RASGRP4: variants seen among roughly 807,000 people sequenced by gnomAD.
RASGRP4 encodes the protein RAS guanyl-releasing protein 4.
A neutral mutation model predicts 84.4 loss-of-function variants in RASGRP4; 52 were observed. The ratio of observed to expected loss-of-function variants is 0.62; its 90% confidence interval spans 0.49 to 0.78. The LOEUF (loss-of-function observed/expected upper bound fraction) is 0.78, where lower values mean the gene tolerates loss of function less well. Among genes scored for constraint, RASGRP4 ranks in the 30% least tolerant of loss-of-function variants. The pLI, the probability that RASGRP4 is intolerant of heterozygous loss-of-function variation, is 0.00. For missense variants in RASGRP4, 760 were observed against 886.9 expected (o/e 0.86, Z 1.82); for synonymous variants, 356 against 359.1 (o/e 0.99, Z 0.10).
intron 9 of RASGRP4, among the ~76,000 whole-genome samples, chr19:38,414,420 G>A (rs952534262): frequency 6.0e-5 from 9 of 150,768 alleles, no homozygotes; most frequent in East Asian, 4.0e-4. Context: ...TCCACCTCCC[G>A]GGTTCAAGCA....
chr19:38,420,927 G>A lies in RASGRP4; in HGVS notation c.358C>T (p.Gln120Ter), dbSNP rs1568414401. Reference sequence around the variant, plus strand: ...CCCTACCTGACCAGGTGACAGATCTGCAGCCGTCTCAGCTCCTGGGTGTCC... The same window carrying A: ...CCCTACCTGACCAGGTGACAGATCTACAGCCGTCTCAGCTCCTGGGTGTCC... ...TGDTQELRRLQICHLVRYWLM... is the reference protein window; with the variant it reads ...TGDTQELRRL Residue 120 changes from glutamine to a stop codon, truncating the protein, a stop_gained, in exon 4 of 17, where the codon CAG (glutamine) becomes TAG (stop). Coordinates refer to ENST00000615439, the MANE Select transcript of RASGRP4 (RefSeq NM_170604.3). LOFTEE classifies it high-confidence loss of function. The A allele has an allele frequency of 6.2e-7, 1 of 1,613,712 alleles. No homozygotes were observed. The highest frequency in any genetic ancestry group is 1.3e-5 in the African/African-American group (1 of 74,876).
chr19:38,420,110 G>A, intron 5 of RASGRP4, 21 bp downstream of exon 5: 1 of 1,610,798 alleles, frequency 6.2e-7, no homozygotes, highest in South Asian at 1.1e-5. Flanking sequence ...CAGGGAAGAG[G>A]GGAGCACAGG....
At chr19:38,415,653 G>T (rs960843527) in intron 8 of RASGRP4, among the ~76,000 whole-genome samples, 10 of 151,910 alleles carry the variant, frequency 6.6e-5, no homozygotes, top group African/African-American at 2.4e-4. Flanking sequence ...GATTACAGGC[G>T]TTAGCCATCA....
In RASGRP4 at chr19:38,417,404, G is replaced by A. The variant is rs898807714; in HGVS notation, c.838-236C>T. 6.6e-6 allele frequency among the ~76,000 whole-genome samples: 1 copy of A among 152,168 alleles called. No individual in the cohort carries two copies. The highest frequency in any genetic ancestry group is 1.5e-5 in the Non-Finnish European group (1 of 68,028). On this transcript the variant is annotated intron_variant, in intron 7 of 16. Transcript: ENST00000615439. This position sits in a 1 kb window ranked among gnomAD's most constrained non-coding sequence, Gnocchi z 5.1. ...GGTCAAGCAAGTGATTGACTGATAC[G>A]AGGTTAGAAAATCTGGGGAGACAGG...
intron 6 of RASGRP4, 50 bp downstream of exon 6, chr19:38,419,810 C>G: frequency 6.6e-7 from 1 of 1,525,366 alleles, no homozygotes; most frequent in Admixed American, 2.0e-5. Context: ...AATCCCTCCC[C>G]TACCCCAGTG....
At chr19:38,426,032 AG>A in intron 1 of RASGRP4, 36 bp downstream of exon 1, 1 of 1,358,958 alleles carries the variant, frequency 7.4e-7, no homozygotes, top group South Asian at 2.0e-5. Flanking sequence ...GGGAGGCCTC[AG>A]GGTGCTGCCG....
intron 16 of RASGRP4, 57 bp from the exon 17 acceptor site, chr19:38,410,153 C>T (rs1246010222): frequency 1.4e-5 from 20 of 1,393,604 alleles, no homozygotes; most frequent in Admixed American, 1.2e-4. Flanking sequence ...CATATGATGT[C>T]TAGGAGACGC....
rs1971586131 is a variant in RASGRP4, at chr19:38,418,256, C to T, written c.837+135G>A. 2.2e-6 allele frequency: 2 copies of T among 892,582 alleles called. No individual in the cohort carries two copies. Among genetic ancestry groups the T allele is most frequent in the Admixed American group, 4.8e-5 (2 of 41,928 alleles). The allele number at this position is 892,582 out of a possible 1,614,324, so 55.3% of individuals were successfully genotyped here. A position where few individuals can be genotyped will look rare whatever the true frequency, so the allele number is the denominator to read the frequency against. On this transcript the variant is annotated intron_variant, in intron 7 of 16. Transcript: ENST00000615439. This position sits in a 1 kb window ranked among gnomAD's most constrained non-coding sequence, Gnocchi z 4.6. ...ACGGTCCTTGGTTGGAATGCCCAGG[C>T]TGTGGCCTCGGGGGCGGGGCCGGGA...
chr19:38,422,931 G>T (rs1971823509), intron 1 of RASGRP4, among the ~76,000 whole-genome samples: 1 of 151,990 alleles, frequency 6.6e-6, no homozygotes, highest in East Asian at 1.9e-4. Context: ...ATCTCCCAGG[G>T]AATCACAGTA....
chr19:38,414,744 AC>A, intron 9 of RASGRP4, 103 bp downstream of exon 9: 1 of 1,220,234 alleles, frequency 8.2e-7, no homozygotes, highest in Non-Finnish European at 1.1e-6. Flanking sequence ...AAACCCATGC[AC>A]TCCAGCACTT....
chr19:38,422,431 C>T (rs1971798677), intron 1 of RASGRP4, among the ~76,000 whole-genome samples: 1 of 152,146 alleles, frequency 6.6e-6, no homozygotes, highest in Admixed American at 6.5e-5. Context: ...CCAGGGGTCC[C>T]CAGCCCCTGG....
At chr19:38,422,300 T>G in intron 1 of RASGRP4, 147 bp from the exon 2 acceptor site, 1 of 669,346 alleles carries the variant, frequency 1.5e-6, no homozygotes, top group South Asian at 2.0e-5. Context: ...CCAGGGACTC[T>G]AGAGAGAATC....
chr19:38,422,404 G>A (rs1339107099), intron 1 of RASGRP4, among the ~76,000 whole-genome samples: 3 of 152,196 alleles, frequency 2.0e-5, no homozygotes, highest in South Asian at 2.1e-4. Flanking sequence ...GGGAATCAGA[G>A]AGGAAGATCC....
chr19:38,412,162 A>T lies in RASGRP4; in HGVS notation c.1680+510T>A, dbSNP rs539655411. On this transcript the variant is annotated intron_variant, in intron 13 of 16. Transcript: ENST00000615439. This position sits in a 1 kb window ranked among gnomAD's most constrained non-coding sequence, Gnocchi z 4.6. Reference sequence around the variant, plus strand: ...GAGACAGAATCTCGCTCTGTCACCCAAGCTGGAGTGCAGTGCTGCGATCTT... The same window carrying T: ...GAGACAGAATCTCGCTCTGTCACCCTAGCTGGAGTGCAGTGCTGCGATCTT... Among the ~76,000 whole-genome samples, 1 of 152,104 alleles carries T rather than the reference A, an allele frequency of 6.6e-6. No individual in the cohort carries two copies. The highest frequency in any genetic ancestry group is 2.4e-5 in the African/African-American group (1 of 41,494).
At chr19:38,411,056 T>C (rs1971229486) in intron 15 of RASGRP4, 58 bp from the exon 16 acceptor site, 14 of 1,610,378 alleles carry the variant, frequency 8.7e-6, no homozygotes, top group Non-Finnish European at 1.2e-5. Flanking sequence ...CTTCTTGACC[T>C]TGGACTCAAC....
Position 38,415,973 on chromosome 19 carries a change from C to T in RASGRP4, c.955-850G>A, listed in dbSNP as rs370792438. ...ACTCGGGAGTCTGAGGCAGGCGAAT[C>T]GCTTGAACCTGGGAGGTGGAGGCTT... On this transcript the variant is annotated intron_variant, in intron 8 of 16. Coordinates refer to ENST00000615439, the MANE Select transcript of RASGRP4 (RefSeq NM_170604.3). 4.1e-4 allele frequency among the ~76,000 whole-genome samples: 62 copies of T among 149,882 alleles called. 2 individuals are homozygous for T. In the South Asian group the frequency reaches 0.012, roughly 30 times the overall value.
chr19:38,420,828 T>C (rs1971711686), intron 4 of RASGRP4, 80 bp downstream of exon 4: 6 of 1,427,176 alleles, frequency 4.2e-6, no homozygotes, highest in Non-Finnish European at 5.9e-6. Context: ...GGCCTGGGGA[T>C]TCTCTGAGGA....
chr19:38,426,079 CT>C lies in RASGRP4; in HGVS notation c.12del (p.Asp5ThrfsTer14). The C allele has an allele frequency of 1.5e-6, 2 of 1,349,396 alleles. No homozygotes were observed. Among genetic ancestry groups the C allele is most frequent in the African/African-American group, 1.5e-5 (1 of 66,636 alleles). 83.6% of individuals were successfully genotyped at this position (1,349,396 alleles called of 1,614,324 possible). ...GGAGGGTCCTCTCACCTCTTACTGT[CT>C]TTTCTGTTCATGCTTCCCGCGTGGG... Reference protein sequence around the residue: MNRKDSKRKSHQEC... With the variant: MNRXDSKRKSHQEC... On this transcript the variant is annotated frameshift_variant, in exon 1 of 17. Coordinates refer to ENST00000615439, the MANE Select transcript of RASGRP4 (RefSeq NM_170604.3). LOFTEE classifies it high-confidence loss of function.
At position 38,420,957 on chromosome 19, in the gene RASGRP4, T is replaced by A; in HGVS notation, c.328A>T (p.Thr110Ser). Residue 110 changes from threonine (T) to serine (S), a missense_variant, in exon 4 of 17, where the codon ACA (threonine) becomes TCA (serine). By Grantham distance (58) the Thr-to-Ser change is moderately conservative. Transcript: ENST00000615439. The part of the protein sequence containing the change: ...ARLLTSYQKA[T>S]GDTQELRRLQ... ...CGTCTCAGCTCCTGGGTGTCCCCTGTGGCCTTCTGGTATTTGAGTTCTGGT... is the reference window on the plus strand; with the variant it reads ...CGTCTCAGCTCCTGGGTGTCCCCTGAGGCCTTCTGGTATTTGAGTTCTGGT... 1 of 1,613,984 alleles carries A rather than the reference T, an allele frequency of 6.2e-7. No individual in the cohort carries two copies.
Sources: allele counts gnomAD v4.1 joint callset (sites outside exome capture counted in the v4.1 genomes callset), GRCh38; gene constraint gnomAD v4.1.1; non-coding constraint Gnocchi (gnomAD v3.1); transcripts MANE v1.5; gene names NCBI Gene and HGNC (gene_info 2026-07-23, HGNC 2026-07-21).